Variants in PHLPP1 observed in about 807,000 individuals in gnomAD.
PHLPP1 encodes PH domain leucine-rich repeat-containing protein phosphatase 1.
A neutral mutation model predicts 117.2 loss-of-function variants in PHLPP1; 42 were observed. That is an observed-to-expected ratio of 0.36 (90% CI 0.28 to 0.46). PHLPP1 has a LOEUF of 0.46. Ranked by LOEUF, PHLPP1 falls within the 20% of genes least tolerant of loss-of-function variation. The pLI is 1.00. For synonymous variants in PHLPP1, 1,042 were observed against 970.7 expected (o/e 1.07, Z -1.37); for missense variants, 2,084 against 2,241.9 (o/e 0.93, Z 1.42).
At chr18:62,795,291 A>G in intron 1 of PHLPP1, among the ~76,000 whole-genome samples, 1 of 152,034 alleles carries the variant, frequency 6.6e-6, no homozygotes. Flanking sequence ...GAGCCTTGGC[A>G]ACACGGTGAA....
At chr18:62,769,257 T>C (rs1022857338) in intron 1 of PHLPP1, among the ~76,000 whole-genome samples, 13 of 152,208 alleles carry the variant, frequency 8.5e-5, no homozygotes, top group Non-Finnish European at 8.8e-5. Flanking sequence ...CTAAGCCTTT[T>C]AGTATTGTGG....
intron 11 of PHLPP1, 115 bp from the exon 12 acceptor site, chr18:62,944,994 G>C (rs1426672648): frequency 1.3e-6 from 1 of 772,164 alleles, no homozygotes; most frequent in Non-Finnish European, 1.9e-6. Flanking sequence ...AAATGGTCTT[G>C]TTTGTAAAAA....
chr18:62,868,748 T>G (rs1915828044), intron 4 of PHLPP1, among the ~76,000 whole-genome samples: 1 of 152,208 alleles, frequency 6.6e-6, no homozygotes, highest in Non-Finnish European at 1.5e-5. Context: ...AACCTATCAT[T>G]GATCAGAAAA....
rs779437497 is a variant in PHLPP1 at position 62,895,048 on chromosome 18, C to T, written c.2104C>T (p.His702Tyr). The T allele has an allele frequency of 1.2e-6, 2 of 1,612,600 alleles. No homozygotes were observed. Residue 702 changes from histidine to tyrosine, a missense_variant, in exon 5 of 17, where the codon CAT (histidine) becomes TAT (tyrosine). Physicochemically the swap from His to Tyr is moderately conservative, Grantham distance 83. Around this residue, in one of 2 missense-constraint regions of PHLPP1, gnomAD observed 1,365 missense variants for 1,605.9 expected, o/e 0.85. Transcript: ENST00000262719. ...KLKSLNLSNN[H>Y]LGDFPLAVCS... ...GAAGAGTCTTAACCTTTCCAATAAT[C>T]ATTTAGGGGACTTCCCACTGGCAGT...
At chr18:62,945,762 A>G (rs1337061683) in intron 12 of PHLPP1, among the ~76,000 whole-genome samples, 1 of 152,234 alleles carries the variant, frequency 6.6e-6, no homozygotes, top group East Asian at 1.9e-4. Context: ...GTCACCAAAC[A>G]TTGATTTCAA....
intron 4 of PHLPP1, among the ~76,000 whole-genome samples, chr18:62,879,480 C>T (rs893301140): frequency 2.2e-4 from 33 of 151,368 alleles, no homozygotes; most frequent in African/African-American, 6.6e-4. Flanking sequence ...GGTGTGATCT[C>T]GGCTCACTGC....
intron 12 of PHLPP1, among the ~76,000 whole-genome samples, chr18:62,949,545 G>A (rs1568171637): frequency 1.3e-5 from 2 of 152,102 alleles, no homozygotes; most frequent in Non-Finnish European, 2.9e-5. Context: ...GTTATTAGTA[G>A]GAAAAATAAA....
At chr18:62,888,999 A>T (rs1324461780) in intron 4 of PHLPP1, among the ~76,000 whole-genome samples, 1 of 152,192 alleles carries the variant, frequency 6.6e-6, no homozygotes, top group African/African-American at 2.4e-5. Context: ...TCTTTCTCTG[A>T]AACAGTATTT....
At position 62,715,994 on chromosome 18, in the gene PHLPP1, G is replaced by A; in HGVS notation, c.311G>A (p.Gly104Asp). 3.7e-6 allele frequency: 5 copies of A among 1,345,604 alleles called. No individual in the cohort carries two copies. The highest frequency in any genetic ancestry group is 4.7e-6 in the Non-Finnish European group (5 of 1,055,320). The allele number at this position is 1,345,604 out of a possible 1,614,324, so 83.4% of individuals were successfully genotyped here. The change falls in exon 1 of 17, where the codon GGC becomes GAC. Residue 104 changes from glycine to aspartate, a missense_variant. This residue lies in a region of PHLPP1 where 719 missense variants were observed against 636.0 expected (regional missense o/e 1.13). Coordinates refer to ENST00000262719, the MANE Select transcript of PHLPP1 (RefSeq NM_194449.4). ...RRRGAPQPIA[G>D]GAAPVPGAGG... ...CGCGGGGCGCCCCAGCCCATTGCCGGCGGGGCTGCCCCCGTACCCGGGGCC... is the reference window on the plus strand; with the variant it reads ...CGCGGGGCGCCCCAGCCCATTGCCGACGGGGCTGCCCCCGTACCCGGGGCC...
chr18:62,772,792 C>T (rs1422765612), intron 1 of PHLPP1, among the ~76,000 whole-genome samples: 2 of 140,904 alleles, frequency 1.4e-5, no homozygotes, highest in African/African-American at 5.7e-5. Context: ...GATTGTGCCA[C>T]TGCACTCCAG....
In PHLPP1 at chr18:62,747,181, T is replaced by G. The variant is rs1307521271; in HGVS notation, c.1576+29922T>G. 2.6e-5 allele frequency among the ~76,000 whole-genome samples: 4 copies of G among 152,114 alleles called. No homozygotes were observed. In the East Asian group the frequency reaches 7.7e-4, roughly 29 times the overall value. On this transcript the variant is annotated intron_variant, in intron 1 of 16. Coordinates refer to ENST00000262719, the MANE Select transcript of PHLPP1 (RefSeq NM_194449.4). ...CCCATACTTAATTTATGCTCTTATT[T>G]TTAATTCCATCAATTAGTTTTGTTA...
intron 10 of PHLPP1, among the ~76,000 whole-genome samples, chr18:62,920,941 CAA>C (rs1909449194): frequency 6.6e-6 from 1 of 152,134 alleles, no homozygotes; most frequent in African/African-American, 2.4e-5. Flanking sequence ...TTTGAACAAA[CAA>C]AATTTTCCTA....
chr18:62,903,222 C>T, intron 7 of PHLPP1, 56 bp downstream of exon 7: 1 of 1,154,724 alleles, frequency 8.7e-7, no homozygotes, highest in Non-Finnish European at 1.3e-6. Context: ...ATTTACCCAG[C>T]ATCATTATTT....
chr18:62,780,083 T>G (rs1913075309), intron 1 of PHLPP1, among the ~76,000 whole-genome samples: 1 of 152,156 alleles, frequency 6.6e-6, no homozygotes, highest in African/African-American at 2.4e-5. Context: ...GAACCAGTCA[T>G]TTTGCGCTTG....
intron 16 of PHLPP1, among the ~76,000 whole-genome samples, chr18:62,977,443 A>T (rs1370419926): frequency 6.6e-6 from 1 of 151,682 alleles, no homozygotes; most frequent in East Asian, 1.9e-4. Context: ...AAAAAAAAAA[A>T]AAAAAAAAAA....
At chr18:62,929,508 T>A (rs1036688714) in intron 10 of PHLPP1, among the ~76,000 whole-genome samples, 3 of 152,120 alleles carry the variant, frequency 2.0e-5, no homozygotes, top group Admixed American at 6.6e-5. Context: ...TACCAGAGGA[T>A]GAACTTATCC....
intron 2 of PHLPP1, among the ~76,000 whole-genome samples, chr18:62,830,993 T>C (rs1442837207): frequency 6.6e-6 from 1 of 152,218 alleles, no homozygotes; most frequent in Non-Finnish European, 1.5e-5. Context: ...GCATTTTTAG[T>C]TTATTAAGTG....
intron 3 of PHLPP1, chr18:62,839,687 A>G (rs1004529829): frequency 1.3e-5 from 2 of 149,912 alleles, no homozygotes; most frequent in Non-Finnish European, 3.0e-5. Context: ...ATTACACTAC[A>G]GCCTTGGTGA....
intron 1 of PHLPP1, among the ~76,000 whole-genome samples, chr18:62,752,559 G>A (rs1911892252): frequency 6.6e-6 from 1 of 152,190 alleles, no homozygotes. Context: ...AGGCCAGTGT[G>A]GTAGAAAATA....
Sources: allele counts gnomAD v4.1 joint callset (sites outside exome capture counted in the v4.1 genomes callset), GRCh38; gene constraint gnomAD v4.1.1; regional missense constraint gnomAD v4.1.1; transcripts MANE v1.5; gene names NCBI Gene and HGNC (gene_info 2026-07-23, HGNC 2026-07-21).